LGR6: variants seen among roughly 807,000 people sequenced by gnomAD.
LGR6 encodes leucine rich repeat containing G protein-coupled receptor 6, also known as leucine-rich repeat-containing G protein-coupled receptor 6.
A neutral mutation model predicts 69.4 loss-of-function variants in LGR6; 45 were observed. The observed-to-expected ratio is 0.65, with a 90% confidence interval of 0.51 to 0.83. LGR6 has a LOEUF of 0.83. Ranked by LOEUF, LGR6 falls within the 40% of genes least tolerant of loss-of-function variation. The pLI is 0.00. For missense variants in LGR6, 1,108 were observed against 1,246.7 expected (o/e 0.89, Z 1.68); for synonymous variants, 538 against 555.0 (o/e 0.97, Z 0.43).
At chr1:202,209,043 C>T (rs1237447362) in intron 1 of LGR6, among the ~76,000 whole-genome samples, 1 of 152,154 alleles carries the variant, frequency 6.6e-6, no homozygotes, top group African/African-American at 2.4e-5. Flanking sequence ...CAAGTCATTA[C>T]ACCCCACCAT....
chr1:202,203,854 T>C (rs768807176), intron 1 of LGR6: 2 of 1,613,728 alleles, frequency 1.2e-6, no homozygotes, highest in Non-Finnish European at 1.7e-6. Flanking sequence ...GTTTGTCAAG[T>C]GTCAATAATC....
chr1:202,312,989 G>A (rs1653861680), intron 16 of LGR6, among the ~76,000 whole-genome samples: 1 of 152,140 alleles, frequency 6.6e-6, no homozygotes, highest in African/African-American at 2.4e-5. Context: ...AGCACTTTGG[G>A]AGGCCGAGGC....
chr1:202,225,379 A>T (rs774101199), intron 1 of LGR6, 44 bp from the exon 2 acceptor site: 1 of 1,572,376 alleles, frequency 6.4e-7, no homozygotes, highest in Non-Finnish European at 8.7e-7. Flanking sequence ...CAGATGGCCC[A>T]AGTGGGGAGT....
At chr1:202,198,668 GTTTTTTTTTTTT>G (rs56275558) in intron 1 of LGR6, among the ~76,000 whole-genome samples, 3 of 127,672 alleles carry the variant, frequency 2.3e-5, no homozygotes, top group Admixed American at 1.5e-4. Context: ...GTAATTTTAG[GTTTTTTTTTTTT>G]TTTTTTTTTT....
intron 1 of LGR6, among the ~76,000 whole-genome samples, chr1:202,218,251 G>A (rs185154232): frequency 1.1e-4 from 17 of 152,280 alleles, no homozygotes; most frequent in African/African-American, 2.6e-4. Flanking sequence ...AGAGGAAAGC[G>A]CCTGCTATTC....
chr1:202,316,120 A>G (rs1224174133), intron 17 of LGR6, among the ~76,000 whole-genome samples: 1 of 152,232 alleles, frequency 6.6e-6, no homozygotes, highest in Non-Finnish European at 1.5e-5. Context: ...CGAGAAACGC[A>G]TATACAGTTG....
intron 4 of LGR6, among the ~76,000 whole-genome samples, chr1:202,236,934 G>T (rs1296548590): frequency 6.6e-6 from 1 of 152,090 alleles, no homozygotes; most frequent in Non-Finnish European, 1.5e-5. Context: ...GGAGAAATGA[G>T]GTGGGAAAAG....
chr1:202,310,126 C>T (rs182035131), intron 15 of LGR6, 71 bp from the exon 16 acceptor site: 1 of 1,537,056 alleles, frequency 6.5e-7, no homozygotes, highest in Admixed American at 1.8e-5. Flanking sequence ...TTGCAGATCT[C>T]TTAAATCAGA....
intron 1 of LGR6, among the ~76,000 whole-genome samples, chr1:202,214,879 T>C (rs1459898278): frequency 6.6e-6 from 1 of 152,144 alleles, no homozygotes; most frequent in Non-Finnish European, 1.5e-5. Flanking sequence ...TTATATGCTC[T>C]GAACTTTATC....
intron 1 of LGR6, among the ~76,000 whole-genome samples, chr1:202,220,583 A>G (rs10920365): frequency 0.36 from 54,219 of 152,098 alleles, 9,991 homozygotes; most frequent in Non-Finnish European, 0.41. Flanking sequence ...GAAAATGGAG[A>G]CTTAGAGATG....
At chr1:202,205,146 A>C (rs1439796624) in intron 1 of LGR6, among the ~76,000 whole-genome samples, 1 of 84,640 alleles carries the variant, frequency 1.2e-5, no homozygotes, top group Non-Finnish European at 2.2e-5. Flanking sequence ...ACACACACAC[A>C]CCTCCACACA....
At chr1:202,313,817 TA>T (rs1369545464) in intron 16 of LGR6, among the ~76,000 whole-genome samples, 1 of 152,250 alleles carries the variant, frequency 6.6e-6, no homozygotes, top group African/African-American at 2.4e-5. Flanking sequence ...TCCTTTGCCT[TA>T]AAAATTTGTC....
At chr1:202,274,945 C>A (rs1665415571) in intron 4 of LGR6, among the ~76,000 whole-genome samples, 1 of 152,214 alleles carries the variant, frequency 6.6e-6, no homozygotes, top group African/African-American at 2.4e-5. Context: ...TTGGCCTATC[C>A]ACCCATGGCC....
At chr1:202,286,738 T>C (rs1038296554) in intron 6 of LGR6, among the ~76,000 whole-genome samples, 1 of 151,944 alleles carries the variant, frequency 6.6e-6, no homozygotes, top group Non-Finnish European at 1.5e-5. Flanking sequence ...CATATAAAAA[T>C]TTTTTTTTCT....
Position 202,214,040 on chromosome 1 carries a change from G to C in LGR6, c.213-11383G>C, listed in dbSNP as rs1659584054. Reference sequence around the variant, plus strand: ...AGTTAGGGAAGAGGGCAGATGGGTGGGGCGCTATCCAGAGGGAAGGGCATA... The same window carrying C: ...AGTTAGGGAAGAGGGCAGATGGGTGCGGCGCTATCCAGAGGGAAGGGCATA... On this transcript the variant is annotated intron_variant, in intron 1 of 17. Transcript: ENST00000367278. 7 of 1,346,506 alleles carry C rather than the reference G, an allele frequency of 5.2e-6. No homozygotes were observed. In the East Asian group the frequency reaches 1.9e-4, roughly 36 times the overall value. The allele number at this position is 1,346,506 out of a possible 1,614,324, so 83.4% of individuals were successfully genotyped here. A position where few individuals can be genotyped will look rare whatever the true frequency, so the allele number is the denominator to read the frequency against.
chr1:202,270,430 T>C (rs961035839), intron 4 of LGR6, among the ~76,000 whole-genome samples: 1 of 151,806 alleles, frequency 6.6e-6, no homozygotes, highest in Admixed American at 6.6e-5. Context: ...TTAGTAGAGA[T>C]GGGGTTTCCC....
intron 1 of LGR6, among the ~76,000 whole-genome samples, chr1:202,202,666 TTATC>T (rs1264289790): frequency 6.6e-6 from 1 of 152,234 alleles, no homozygotes; most frequent in Non-Finnish European, 1.5e-5. Context: ...GCTATGGTTA[TTATC>T]TATCTAGTCT....
At chr1:202,244,536 G>C (rs1662485630) in intron 4 of LGR6, among the ~76,000 whole-genome samples, 1 of 151,938 alleles carries the variant, frequency 6.6e-6, no homozygotes, top group Non-Finnish European at 1.5e-5. Context: ...GGCGTTCCTT[G>C]TGGCTGCATC....
rs547571253 is a variant in LGR6, at chr1:202,232,706, G to A, written c.357-3216G>A. On this transcript the variant is annotated intron_variant, in intron 3 of 17. Coordinates refer to ENST00000367278, the MANE Select transcript of LGR6 (RefSeq NM_001017403.2). ...TCTGTTGATTCTGATGTATAACCAG[G>A]GCTAAGAACCGCTGGATTAGATAGA... is the stretch of plus-strand genomic sequence containing the variant. Among the ~76,000 whole-genome samples the A allele has an allele frequency of 9.2e-4, 140 of 152,200 alleles. 1 individual carries two copies. Among genetic ancestry groups the A allele is most frequent in the African/African-American group, 2.8e-3 (116 of 41,514 alleles).
Sources: allele counts gnomAD v4.1 joint callset (sites outside exome capture counted in the v4.1 genomes callset), GRCh38; gene constraint gnomAD v4.1.1; transcripts MANE v1.5; gene names NCBI Gene and HGNC (gene_info 2026-07-23, HGNC 2026-07-21).